DNAI4: variants seen among roughly 807,000 people sequenced by gnomAD.
DNAI4 encodes the protein WD repeat domain 78.
Under a neutral mutation model 105.8 loss-of-function variants are expected in DNAI4, and 85 were observed. That is an observed-to-expected ratio of 0.80 (90% CI 0.67 to 0.96). The LOEUF is 0.96. DNAI4 is among the 40% of genes least tolerant of loss of function. The probability of loss-of-function intolerance (pLI) is 0.00; values close to 1 mark genes in which losing one functional copy is unlikely to be tolerated. For missense variants in DNAI4, 1,014 were observed against 1,005.6 expected (o/e 1.01, Z -0.11); for synonymous variants, 352 against 331.5 (o/e 1.06, Z -0.67).
At position 66,858,311 on chromosome 1, in the gene DNAI4, T is replaced by A. The variant is rs561238303; in HGVS notation, c.1096+3836A>T. Among the ~76,000 whole-genome samples the A allele has an allele frequency of 5.3e-5, 8 of 151,478 alleles. No individual in the cohort carries two copies. In the East Asian group the frequency reaches 1.6e-3, roughly 30 times the overall value. Reference sequence around the variant, plus strand: ...TTGGGAGGCCGAGGCCGGCAGATCTTGAAGTCAGGAGACCGAGACCATCCC... The same window carrying A: ...TTGGGAGGCCGAGGCCGGCAGATCTAGAAGTCAGGAGACCGAGACCATCCC... On this transcript the variant is annotated intron_variant, in intron 7 of 16. Coordinates refer to ENST00000371026, the MANE Select transcript of DNAI4 (RefSeq NM_024763.5).
rs375651658 is a variant in DNAI4 at position 66,835,714 on chromosome 1, G to A, written c.1645C>T (p.Pro549Ser). The part of the protein sequence containing the change: ...VTAVDFSIGA[P>S]NLLAVGYHNG... ...TGATAGCCAACGGCTAAAAGGTTAG[G>A]TGCTCCAATTGAAAAATCCACAGCA... The change falls in exon 11 of 17, where the codon CCT (proline) becomes TCT (serine). Residue 549 changes from proline to serine, a missense_variant. Coordinates refer to ENST00000371026, the MANE Select transcript of DNAI4 (RefSeq NM_024763.5). The A allele has an allele frequency of 3.1e-6, 5 of 1,613,940 alleles. No homozygotes were observed. In the East Asian group the frequency reaches 1.1e-4, roughly 36 times the overall value.
At chr1:66,824,673 T>G (rs1333321104) in intron 15 of DNAI4, among the ~76,000 whole-genome samples, 1 of 152,074 alleles carries the variant, frequency 6.6e-6, no homozygotes, top group Non-Finnish European at 1.5e-5. Context: ...TTGAAGCAAT[T>G]GTGAATGGGA....
chr1:66,864,937 C>T (rs1646701232), intron 6 of DNAI4, among the ~76,000 whole-genome samples: 3 of 152,168 alleles, frequency 2.0e-5, no homozygotes, highest in Admixed American at 1.3e-4. Flanking sequence ...GGACAGTGTA[C>T]AGGGGGCTTC....
intron 1 of DNAI4, among the ~76,000 whole-genome samples, chr1:66,910,875 T>A (rs1649607649): frequency 6.6e-6 from 1 of 152,166 alleles, no homozygotes. Context: ...ATAAACTGTT[T>A]TTGCTCTGCT....
intron 4 of DNAI4, among the ~76,000 whole-genome samples, chr1:66,884,956 T>C (rs1647161927): frequency 6.6e-6 from 1 of 152,252 alleles, no homozygotes; most frequent in African/African-American, 2.4e-5. Context: ...TCTCTTCTTT[T>C]CTAACATATG....
chr1:66,911,184 G>T (rs903210618), intron 1 of DNAI4, among the ~76,000 whole-genome samples: 1 of 152,164 alleles, frequency 6.6e-6, no homozygotes, highest in Non-Finnish European at 1.5e-5. Context: ...TGCTAGAGTG[G>T]ATCACAGAAC....
chr1:66,920,273 G>T (rs117340611), intron 1 of DNAI4, among the ~76,000 whole-genome samples: 3 of 152,152 alleles, frequency 2.0e-5, no homozygotes, highest in African/African-American at 7.2e-5. Flanking sequence ...TTACCTTCCC[G>T]TTCTGTCCCC....
At chr1:66,823,053 C>T (rs906717713) in intron 15 of DNAI4, among the ~76,000 whole-genome samples, 1 of 151,600 alleles carries the variant, frequency 6.6e-6, no homozygotes, top group Non-Finnish European at 1.5e-5. Flanking sequence ...TGCTATCCCT[C>T]CCCACTCCCC....
At chr1:66,895,565 T>C (rs1244224560) in intron 2 of DNAI4, among the ~76,000 whole-genome samples, 1 of 152,218 alleles carries the variant, frequency 6.6e-6, no homozygotes, top group East Asian at 1.9e-4. Context: ...TCTTTCTTCC[T>C]TTCCAATTCT....
chr1:66,857,086 A>G (rs1301131885), intron 7 of DNAI4, among the ~76,000 whole-genome samples: 1 of 152,080 alleles, frequency 6.6e-6, no homozygotes, highest in Non-Finnish European at 1.5e-5. Context: ...CAGGCTAACC[A>G]AGAAAAAAAG....
chr1:66,847,596 T>C lies in DNAI4; in HGVS notation c.1179A>G (p.Ala393=), dbSNP rs534038572. Residue 393 remains alanine, a synonymous_variant, in exon 8 of 17, where the codon GCA becomes GCG. Coordinates refer to ENST00000371026, the MANE Select transcript of DNAI4 (RefSeq NM_024763.5). The part of the protein sequence containing the change: ...IHEDEEDHSD[A]ILKSDKFHQD... ...GATGAAATTTGTCAGATTTTAATATTGCATCTGAGTGGTCTTCCTCATCTT... is the reference window on the plus strand; with the variant it reads ...GATGAAATTTGTCAGATTTTAATATCGCATCTGAGTGGTCTTCCTCATCTT... 7 of 1,613,970 alleles carry C rather than the reference T, an allele frequency of 4.3e-6. No individual in the cohort carries two copies. The highest frequency in any genetic ancestry group is 1.3e-5 in the African/African-American group (1 of 75,052).
chr1:66,858,532 C>CA (rs3033717), intron 7 of DNAI4, among the ~76,000 whole-genome samples: 10,716 of 63,366 alleles, frequency 0.17, 1,197 homozygotes, highest in African/African-American at 0.32. Context: ...GACTCCGTCT[C>CA]AAAAAAAAAA....
intron 2 of DNAI4, among the ~76,000 whole-genome samples, chr1:66,895,237 G>A (rs1335578583): frequency 2.0e-5 from 3 of 152,202 alleles, no homozygotes; most frequent in Admixed American, 2.0e-4. Flanking sequence ...CCAGTGCTCT[G>A]GGAGGTCAAG....
At chr1:66,823,508 A>T (rs1645680355) in intron 15 of DNAI4, among the ~76,000 whole-genome samples, 2 of 148,106 alleles carry the variant, frequency 1.4e-5, no homozygotes, top group South Asian at 4.4e-4. Context: ...TGGTTGAACT[A>T]GTTTACAGTC....
chr1:66,893,063 G>GAGAGAGAGAGAAAGAA (rs879150798), intron 3 of DNAI4, among the ~76,000 whole-genome samples, 166 bp downstream of exon 3: 32 of 89,540 alleles, frequency 3.6e-4, no homozygotes, highest in African/African-American at 1.6e-3. Flanking sequence ...AAGAGAGAGA[G>GAGAGAGAGAGAAAGAA]AGAAAGAAAG....
intron 10 of DNAI4, 87 bp from the exon 11 acceptor site, chr1:66,835,864 G>T: frequency 8.2e-7 from 1 of 1,226,968 alleles, no homozygotes. Flanking sequence ...TAGTTTGGTG[G>T]CAGTGGGTAT....
At chr1:66,918,828 A>G (rs939189609) in intron 1 of DNAI4, among the ~76,000 whole-genome samples, 6 of 152,194 alleles carry the variant, frequency 3.9e-5, no homozygotes, top group African/African-American at 1.4e-4. Context: ...ATGTAAAAGG[A>G]AAATATTTTG....
chr1:66,865,819 G>A (rs1398873546), intron 6 of DNAI4, among the ~76,000 whole-genome samples: 2 of 152,124 alleles, frequency 1.3e-5, no homozygotes, highest in Non-Finnish European at 2.9e-5. Context: ...CTTTTCCTGG[G>A]AATGAGTAAA....
intron 13 of DNAI4, among the ~76,000 whole-genome samples, chr1:66,829,505 G>T (rs1645824457): frequency 6.6e-6 from 1 of 152,042 alleles, no homozygotes; most frequent in Admixed American, 6.6e-5. Context: ...GGAGTTAATT[G>T]ATCAATAGGA....
Sources: gnomAD v4.1 joint callset for allele counts (sites outside exome capture counted in the v4.1 genomes callset) on GRCh38, gnomAD v4.1.1 for gene constraint, MANE v1.5 for transcripts, NCBI Gene and HGNC (gene_info 2026-07-23, HGNC 2026-07-21) for gene names.